Variants in ZBTB25 observed in about 807,000 individuals in gnomAD.
The protein encoded by ZBTB25 is zinc finger and BTB domain containing 25.
ZBTB25 carries 20 observed loss-of-function variants against 34.2 expected under a neutral mutation model. The ratio of observed to expected loss-of-function variants is 0.58; its 90% CI spans 0.41 to 0.85. The LOEUF (loss-of-function observed/expected upper bound fraction) is 0.85. Ranked by LOEUF, ZBTB25 falls within the 40% of genes least tolerant of loss-of-function variation. The pLI is 0.00. For synonymous variants in ZBTB25, 175 were observed against 186.4 expected (o/e 0.94, Z 0.50); for missense variants, 437 against 521.8 (o/e 0.84, Z 1.58).
intron 1 of ZBTB25, among the ~76,000 whole-genome samples, chr14:64,495,269 T>C (rs942488996): frequency 1.3e-5 from 2 of 152,248 alleles, no homozygotes; most frequent in African/African-American, 4.8e-5. Context: ...CTCCAAGTTC[T>C]GCCTCCCCTA....
chr14:64,462,909 G>T (rs1198849473), intron 2 of ZBTB25: 3 of 152,058 alleles, frequency 2.0e-5, no homozygotes, highest in Non-Finnish European at 4.4e-5. Context: ...AGTCATTTTT[G>T]GTAGCTATAG....
chr14:64,498,129 G>A lies in ZBTB25; in HGVS notation c.-8+5532C>T, dbSNP rs555361783. On this transcript the variant is annotated intron_variant, in intron 1 of 2. Coordinates refer to ENST00000608382, the MANE Select transcript of ZBTB25 (RefSeq NM_006977.5). Reference sequence around the variant, plus strand: ...GGAACTTTCACATGACTGTAGAGGTGTGACATTTAATTATGTAGAGAATGA... The same window carrying A: ...GGAACTTTCACATGACTGTAGAGGTATGACATTTAATTATGTAGAGAATGA... Among the ~76,000 whole-genome samples, 26 of 152,276 alleles carry A rather than the reference G, an allele frequency of 1.7e-4. No individual in the cohort carries two copies. In the East Asian group the frequency reaches 4.4e-3, roughly 26 times the overall value.
upstream of ZBTB25, chr14:64,505,126 C>T (rs1268780216): frequency 5.8e-6 from 2 of 344,330 alleles, no homozygotes; most frequent in Non-Finnish European, 1.0e-5. Context: ...CTGCTTGTTG[C>T]CGGCGCGTCA....
In ZBTB25 at chr14:64,485,232, G is replaced by C. The variant is rs1596607786; in HGVS notation, c.*1691C>G. ...CTCCTGATTGGACGCTGATGCTGTT[G>C]AATGTGTCAGGAAACGTCCTCAGAA... On this transcript the variant is annotated 3_prime_UTR_variant, in exon 3 of 3. Coordinates refer to ENST00000608382, the MANE Select transcript of ZBTB25 (RefSeq NM_006977.5). The C allele has an allele frequency of 3.0e-6, 3 of 985,316 alleles. No homozygotes were observed. The highest frequency in any genetic ancestry group is 1.1e-4 in the East Asian group (1 of 8,830). 61.0% of individuals were successfully genotyped at this position (985,316 alleles called of 1,614,324 possible).
chr14:64,503,110 G>A, intron 1 of ZBTB25: 25 of 985,534 alleles, frequency 2.5e-5, no homozygotes, highest in Non-Finnish European at 2.8e-5. Context: ...AGAGAAGACG[G>A]TGATAAGATG....
chr14:64,458,322 G>GCTTTTTTCCTCAT (rs1288282267), intron 2 of ZBTB25: 10 of 1,581,130 alleles, frequency 6.3e-6, no homozygotes, highest in Non-Finnish European at 8.7e-6. Context: ...GTTGTTACTG[G>GCTTTTTTCCTCAT]GTAATAATTT....
downstream of ZBTB25, among the ~76,000 whole-genome samples, chr14:64,477,798 C>A (rs746839856): frequency 6.6e-6 from 1 of 152,126 alleles, no homozygotes; most frequent in African/African-American, 2.4e-5. Flanking sequence ...TGTGGCAGTG[C>A]TAAATACACA....
downstream of ZBTB25, chr14:64,473,788 A>T (rs1170674591): frequency 6.0e-6 from 1 of 166,976 alleles, no homozygotes; most frequent in East Asian, 1.9e-4. Context: ...TTAAAAAAAA[A>T]TCCTCATTTA....
intron 2 of ZBTB25, among the ~76,000 whole-genome samples, chr14:64,465,964 C>G (rs905949240): frequency 6.6e-6 from 1 of 152,174 alleles, no homozygotes. Context: ...GTTCCACGCC[C>G]CCGGCATTTT....
At chr14:64,503,546 C>G in intron 1 of ZBTB25, 115 bp downstream of exon 1, 1 of 986,030 alleles carries the variant, frequency 1.0e-6, no homozygotes, top group Non-Finnish European at 1.2e-6. Context: ...CCCCTCTCCC[C>G]AGCTACTTGC....
In ZBTB25 at chr14:64,486,844, G is replaced by C. The variant is rs2078877070; in HGVS notation, c.*79C>G. ...AAAAAAAGTCAATGAAACTTGAGGA[G>C]GAAAATAATTTATGAATTAAAAATG... On this transcript the variant is annotated 3_prime_UTR_variant, in exon 3 of 3. Transcript: ENST00000608382. 6 of 1,481,688 alleles carry C rather than the reference G, an allele frequency of 4.0e-6. No individual in the cohort carries two copies. In the South Asian group the frequency reaches 8.6e-5, roughly 21 times the overall value. The allele number at this position is 1,481,688 out of a possible 1,614,324, so 91.8% of individuals were successfully genotyped here.
intron 1 of ZBTB25, among the ~76,000 whole-genome samples, chr14:64,498,461 C>T (rs1051642081): frequency 8.6e-5 from 13 of 151,752 alleles, no homozygotes; most frequent in African/African-American, 3.1e-4. Context: ...TTACAGGTGC[C>T]CATCACGCCT....
At chr14:64,461,846 C>T (rs1440341314) in intron 2 of ZBTB25, 1 of 152,338 alleles carries the variant, frequency 6.6e-6, no homozygotes, top group African/African-American at 2.4e-5. Flanking sequence ...ATCCTCCCAC[C>T]TCGGCCTCCC....
intron 2 of ZBTB25, among the ~76,000 whole-genome samples, chr14:64,456,982 C>T (rs2078484968): frequency 6.6e-6 from 1 of 152,182 alleles, no homozygotes; most frequent in African/African-American, 2.4e-5. Flanking sequence ...GGAGTTTTCA[C>T]TTGCAAGCCG....
chr14:64,449,388 A>T (rs2078335312), exon 3 of ZBTB25: 1 of 1,587,610 alleles, frequency 6.3e-7, no homozygotes, highest in Non-Finnish European at 8.6e-7. Context: ...CAAAAAGAAG[A>T]CAATTCTGTC....
chr14:64,465,963 C>T (rs2078609020), intron 2 of ZBTB25, among the ~76,000 whole-genome samples: 1 of 152,156 alleles, frequency 6.6e-6, no homozygotes, highest in Non-Finnish European at 1.5e-5. Flanking sequence ...TGTTCCACGC[C>T]CCCGGCATTT....
intron 2 of ZBTB25, among the ~76,000 whole-genome samples, chr14:64,466,038 A>G (rs2078609703): frequency 1.3e-5 from 2 of 152,116 alleles, no homozygotes; most frequent in African/African-American, 4.8e-5. Context: ...CCAGAATTCG[A>G]GATTCCTTCC....
chr14:64,490,328 T>G, intron 2 of ZBTB25, 33 bp downstream of exon 2: 1 of 1,484,050 alleles, frequency 6.7e-7, no homozygotes, highest in East Asian at 2.3e-5. Flanking sequence ...ATCACAATAT[T>G]AAAAATTCTT....
At chr14:64,458,131 T>G in intron 2 of ZBTB25, 1 of 1,093,012 alleles carries the variant, frequency 9.1e-7, no homozygotes. Context: ...CCTCAAGTGA[T>G]CCTCTCCACC....
Sources: allele counts gnomAD v4.1 joint callset (sites outside exome capture counted in the v4.1 genomes callset), GRCh38; gene constraint gnomAD v4.1.1; transcripts MANE v1.5; gene names NCBI Gene and HGNC (gene_info 2026-07-23, HGNC 2026-07-21).